TENM4: variants seen among roughly 807,000 people sequenced by gnomAD.
TENM4 encodes teneurin-4.
In TENM4, 82 loss-of-function variants were observed where a neutral mutation model predicts 243.3. That is an observed-to-expected ratio of 0.34 (90% confidence interval 0.28 to 0.40). TENM4 has a LOEUF of 0.40. Among genes scored for constraint, TENM4 ranks in the 10% least tolerant of loss-of-function variants. TENM4 has a pLI of 1.00. For missense variants in TENM4, 3,138 were observed against 3,673.3 expected (o/e 0.85, Z 3.77); for synonymous variants, 1,412 against 1,456.3 (o/e 0.97, Z 0.69).
intron 2 of TENM4, among the ~76,000 whole-genome samples, chr11:79,275,281 G>A (rs1249542572): frequency 6.6e-6 from 1 of 152,104 alleles, no homozygotes; most frequent in Non-Finnish European, 1.5e-5. Flanking sequence ...GTTTGTGTGT[G>A]TTTAATCCTT....
chr11:79,365,987 GC>G (rs1857669002), intron 1 of TENM4, among the ~76,000 whole-genome samples: 3 of 152,152 alleles, frequency 2.0e-5, no homozygotes, highest in African/African-American at 7.2e-5. Flanking sequence ...AAGCAAGAGA[GC>G]CCATGCTTAG....
At chr11:78,779,422 T>C (rs1024477545) in intron 16 of TENM4, among the ~76,000 whole-genome samples, 1 of 152,096 alleles carries the variant, frequency 6.6e-6, no homozygotes, top group Admixed American at 6.5e-5. Flanking sequence ...AATGGAGGGG[T>C]TGTATCCAAG....
Position 79,390,072 on chromosome 11 carries a change from G to A in TENM4, c.-321+50437C>T, listed in dbSNP as rs1384443000. Among the ~76,000 whole-genome samples the A allele has an allele frequency of 5.3e-5, 8 of 152,208 alleles. No individual in the cohort carries two copies. In the East Asian group the frequency reaches 7.7e-4, roughly 15 times the overall value. On this transcript the variant is annotated intron_variant, in intron 1 of 33. Transcript: ENST00000278550. Reference sequence around the variant, plus strand: ...CAGGGAGGCCAGGGAAGCAGCCATCGTTTAGTCTTGGCTTGGGCAGGTGAG... The same window carrying A: ...CAGGGAGGCCAGGGAAGCAGCCATCATTTAGTCTTGGCTTGGGCAGGTGAG...
In TENM4 at chr11:78,805,277, T is replaced by TGCCCCCCCGCCCC; in HGVS notation, c.2179+14_2179+15insGGGGCGGGGGGGC. On this transcript the variant is annotated intron_variant, in intron 15 of 33. Transcript: ENST00000278550. ...CCCCTCCCTCTACCCATGCTTCTTC[T>TGCCCCCCCGCCCC]CCCCCTGCATTTACCGATAGAACAG... 1 of 1,402,550 alleles carries TGCCCCCCCGCCCC rather than the reference T, an allele frequency of 7.1e-7. No individual in the cohort carries two copies. The highest frequency in any genetic ancestry group is 9.7e-7 in the Non-Finnish European group (1 of 1,033,116). The allele number at this position is 1,402,550 out of a possible 1,614,324, so 86.9% of individuals were successfully genotyped here. A position where few individuals can be genotyped will look rare whatever the true frequency, so the allele number is the denominator to read the frequency against.
chr11:78,742,653 G>T (rs1363131209), intron 19 of TENM4, among the ~76,000 whole-genome samples: 3 of 152,176 alleles, frequency 2.0e-5, no homozygotes, highest in Non-Finnish European at 2.9e-5. Context: ...GCCAAGGGTG[G>T]TGTCAAACAT....
chr11:79,161,653 A>G (rs1277183690), intron 3 of TENM4, among the ~76,000 whole-genome samples: 1 of 152,214 alleles, frequency 6.6e-6, no homozygotes, highest in African/African-American at 2.4e-5. Flanking sequence ...AGAAGGAGCC[A>G]CTTCGCCAAT....
At chr11:79,281,527 G>C (rs888954138) in intron 2 of TENM4, among the ~76,000 whole-genome samples, 1 of 152,142 alleles carries the variant, frequency 6.6e-6, no homozygotes, top group Non-Finnish European at 1.5e-5. Context: ...GTGAAATTCA[G>C]AGTTATCTGC....
intron 2 of TENM4, among the ~76,000 whole-genome samples, chr11:79,246,424 C>G (rs776900505): frequency 1.3e-5 from 2 of 152,108 alleles, no homozygotes; most frequent in Non-Finnish European, 2.9e-5. Flanking sequence ...ACCTCTAATT[C>G]CTTTCTGAGG....
At chr11:79,139,729 T>TATATA (rs1565220717) in intron 4 of TENM4, among the ~76,000 whole-genome samples, 5 of 78,362 alleles carry the variant, frequency 6.4e-5, no homozygotes, top group Non-Finnish European at 1.2e-4. Context: ...AAAATATATA[T>TATATA]TATATTTATA....
chr11:79,144,458 A>G (rs1862356232), intron 4 of TENM4, among the ~76,000 whole-genome samples: 1 of 152,118 alleles, frequency 6.6e-6, no homozygotes, highest in African/African-American at 2.4e-5. Context: ...AAATCAGTAT[A>G]TTGAAGAGAT....
intron 4 of TENM4, among the ~76,000 whole-genome samples, chr11:79,089,443 A>G (rs1474486070): frequency 6.6e-6 from 1 of 152,238 alleles, no homozygotes; most frequent in East Asian, 1.9e-4. Context: ...AGCATAATCT[A>G]AAAGAAAGAG....
chr11:79,046,649 G>C (rs1348073059), intron 6 of TENM4, among the ~76,000 whole-genome samples: 1 of 152,168 alleles, frequency 6.6e-6, no homozygotes, highest in African/African-American at 2.4e-5. Context: ...ATGAAACCGT[G>C]TCACAATCCA....
chr11:78,669,680 T>C lies in TENM4; in HGVS notation c.6665A>G (p.Asn2222Ser). The C allele has an allele frequency of 1.2e-6, 2 of 1,613,940 alleles. No individual in the cohort carries two copies. Among genetic ancestry groups the C allele is most frequent in the Non-Finnish European group, 1.7e-6 (2 of 1,179,888 alleles). The change falls in exon 32 of 34, where the codon AAC becomes AGC. Residue 2222 changes from asparagine (N) to serine (S), a missense_variant. By Grantham distance (46) the Asn-to-Ser change is conservative (BLOSUM62 1). Coordinates refer to ENST00000278550, the MANE Select transcript of TENM4 (RefSeq NM_001098816.3). The surrounding 1 kb of genome is among the most constrained non-coding windows in gnomAD (Gnocchi z 6.4). ...GTTCCCAGGGCTCAGTAAGTGCAGG[T>C]TCCCATTGAGGTCGTAGCTGTAGCG... is the stretch of plus-strand genomic sequence containing the variant. ...LWRYSYDLNG[N>S]LHLLSPGNSA...
chr11:78,667,935 C>G (rs1858197855), intron 32 of TENM4, among the ~76,000 whole-genome samples: 1 of 152,220 alleles, frequency 6.6e-6, no homozygotes. Context: ...CTGTGGCTAA[C>G]CTGGGACTGG....
chr11:79,039,023 G>C (rs1418206208), intron 6 of TENM4, among the ~76,000 whole-genome samples: 2 of 152,198 alleles, frequency 1.3e-5, no homozygotes, highest in East Asian at 1.9e-4. Flanking sequence ...TGTACCCCAG[G>C]GGGGCCTCAG....
At chr11:78,820,068 C>T (rs1857694042) in intron 12 of TENM4, among the ~76,000 whole-genome samples, 1 of 152,112 alleles carries the variant, frequency 6.6e-6, no homozygotes, top group African/African-American at 2.4e-5. Flanking sequence ...AATAGAAGGG[C>T]TGGATTTATT....
chr11:79,276,787 C>T (rs992261801), intron 2 of TENM4, among the ~76,000 whole-genome samples: 6 of 152,124 alleles, frequency 3.9e-5, no homozygotes, highest in African/African-American at 1.4e-4. Flanking sequence ...CTCCCCTCTC[C>T]CTCCCAGCAG....
At chr11:79,376,588 G>C (rs1262183670) in intron 1 of TENM4, among the ~76,000 whole-genome samples, 1 of 152,114 alleles carries the variant, frequency 6.6e-6, no homozygotes, top group Non-Finnish European at 1.5e-5. Context: ...GAGCTCCCGA[G>C]GGCTAGGTAC....
intron 23 of TENM4, among the ~76,000 whole-genome samples, chr11:78,724,556 C>T (rs1164061621): frequency 6.6e-6 from 1 of 152,208 alleles, no homozygotes; most frequent in African/African-American, 2.4e-5. Context: ...CCCATCCATT[C>T]TCCACTGATA....
Sources: allele counts gnomAD v4.1 joint callset (sites outside exome capture counted in the v4.1 genomes callset), GRCh38; gene constraint gnomAD v4.1.1; non-coding constraint Gnocchi (gnomAD v3.1); transcripts MANE v1.5; gene names NCBI Gene and HGNC (gene_info 2026-07-23, HGNC 2026-07-21).